The following TNRC6A variants were observed in gnomAD, a reference collection of about 807,000 sequenced individuals.
TNRC6A encodes the protein trinucleotide repeat-containing gene 6A protein.
Under a neutral mutation model 221.2 loss-of-function variants are expected in TNRC6A, and 44 were observed. The observed-to-expected ratio is 0.20, with a 90% CI of 0.16 to 0.26. The LOEUF (loss-of-function observed/expected upper bound fraction) is 0.26, where lower values mean the gene tolerates loss of function less well. TNRC6A is among the 10% of genes least tolerant of loss of function. The pLI, the probability that TNRC6A is intolerant of heterozygous loss-of-function variation, is 1.00. For missense variants in TNRC6A, 2,199 were observed against 2,404.4 expected (o/e 0.91, Z 1.79); for synonymous variants, 847 against 838.5 (o/e 1.01, Z -0.18).
intron 5 of TNRC6A, among the ~76,000 whole-genome samples, chr16:24,786,746 A>T (rs1221019531): frequency 6.6e-6 from 1 of 152,032 alleles, no homozygotes; most frequent in East Asian, 1.9e-4. Flanking sequence ...CAGTGGCGCC[A>T]TCTCGGCTCA....
intron 2 of TNRC6A, among the ~76,000 whole-genome samples, chr16:24,700,505 G>A (rs547267281): frequency 6.6e-6 from 1 of 152,094 alleles, no homozygotes; most frequent in Admixed American, 6.5e-5. Flanking sequence ...TCAAAGTTTT[G>A]GGATTATAGG....
At chr16:24,702,182 C>T (rs111309696) in intron 2 of TNRC6A, among the ~76,000 whole-genome samples, 57,930 of 118,166 alleles carry the variant, frequency 0.49, 14,856 homozygotes, top group East Asian at 0.7. Context: ...TTTCTTTTTT[C>T]TTTTTTTTTT....
chr16:24,677,188 A>G (rs7199527), intron 2 of TNRC6A, among the ~76,000 whole-genome samples: 12,272 of 141,642 alleles, frequency 0.087, 1,024 homozygotes, highest in African/African-American at 0.22. Context: ...TCCCTGACAG[A>G]GTCTCGCTCT....
At position 24,789,294 on chromosome 16, in the gene TNRC6A, A is replaced by T. The variant is rs1352549138; in HGVS notation, c.652A>T (p.Thr218Ser). ...TTCCCAGCGGGGACCTGTGTCTTCT[A>T]CAAGTGATTCTAGCACAAACTGTAA... ...ENSQRGPVSS[T>S]SDSSTNCKNA... The change falls in exon 6 of 25, where the codon ACA (threonine) becomes TCA (serine). Residue 218 changes from threonine (T) to serine (S), a missense_variant. This residue lies in a region of TNRC6A where 1,405 missense variants were observed against 1,400.2 expected (regional missense o/e 1.00). Transcript: ENST00000395799. The T allele has an allele frequency of 1.2e-6, 2 of 1,613,986 alleles. No homozygotes were observed. The highest frequency in any genetic ancestry group is 3.3e-5 in the Admixed American group (2 of 59,996).
Position 24,809,403 on chromosome 16 carries a change from C to G in TNRC6A, c.4594C>G (p.Gln1532Glu), listed in dbSNP as rs1160780305. The change falls in exon 18 of 25, where the codon CAG (glutamine) becomes GAG (glutamate). Residue 1532 changes from glutamine (Q) to glutamate (E), a missense_variant. Gln to Glu is a conservative substitution (Grantham distance 29). This residue lies in a region of TNRC6A where 449 missense variants were observed against 579.7 expected (regional missense o/e 0.77). Coordinates refer to ENST00000395799, the MANE Select transcript of TNRC6A (RefSeq NM_014494.4). ...NMDMNSIKEPQSRLRKWTTVD... is the reference protein window; with the variant it reads ...NMDMNSIKEPESRLRKWTTVD... ...GGATATGAACAGTATTAAAGAGCCA[C>G]AGTCAAGACTAAGGAAGTGGACGAC... 5 of 1,596,128 alleles carry G rather than the reference C, an allele frequency of 3.1e-6. No homozygotes were observed. Among genetic ancestry groups the G allele is most frequent in the Non-Finnish European group, 4.3e-6 (5 of 1,170,490 alleles).
At chr16:24,813,020 C>T (rs986458079) in intron 18 of TNRC6A, among the ~76,000 whole-genome samples, 15 of 151,242 alleles carry the variant, frequency 9.9e-5, no homozygotes, top group African/African-American at 2.9e-4. Flanking sequence ...GGATTACAGG[C>T]GAGCACTGCC....
intron 11 of TNRC6A, among the ~76,000 whole-genome samples, chr16:24,802,702 T>C (rs1176854811): frequency 6.6e-6 from 1 of 152,144 alleles, no homozygotes; most frequent in Non-Finnish European, 1.5e-5. Flanking sequence ...GTGAATGAAG[T>C]CTAAGGAAAG....
At chr16:24,751,828 C>T (rs2057143152) in intron 3 of TNRC6A, among the ~76,000 whole-genome samples, 1 of 152,042 alleles carries the variant, frequency 6.6e-6, no homozygotes, top group African/African-American at 2.4e-5. Flanking sequence ...GGAACTGTTG[C>T]AGTACAGAGA....
At chr16:24,710,726 CTT>C (rs924997875) in intron 2 of TNRC6A, among the ~76,000 whole-genome samples, 1 of 145,434 alleles carries the variant, frequency 6.9e-6, no homozygotes, top group Admixed American at 6.9e-5. Flanking sequence ...TCTCATCAAA[CTT>C]TTTTTTTTTT....
intron 14 of TNRC6A, 73 bp from the exon 15 acceptor site, chr16:24,805,532 T>C: frequency 6.3e-7 from 1 of 1,576,004 alleles, no homozygotes; most frequent in African/African-American, 1.3e-5. Context: ...TATTGACAAC[T>C]GAAAACACAC....
chr16:24,682,549 A>G (rs1468012570), intron 2 of TNRC6A, among the ~76,000 whole-genome samples: 1 of 151,770 alleles, frequency 6.6e-6, no homozygotes, highest in African/African-American at 2.4e-5. Flanking sequence ...GAATAGAGGA[A>G]CTCTACAAAC....
chr16:24,734,155 A>G (rs1335827954), intron 2 of TNRC6A, among the ~76,000 whole-genome samples: 1 of 152,194 alleles, frequency 6.6e-6, no homozygotes, highest in Admixed American at 6.5e-5. Context: ...AGCCTGGGAA[A>G]CAGAGTGCAA....
chr16:24,629,716 C>T lies in TNRC6A; in HGVS notation n.277-11168C>T, dbSNP rs1479417493. Among the ~76,000 whole-genome samples the T allele has an allele frequency of 4.6e-5, 7 of 152,192 alleles. No individual in the cohort carries two copies. The Middle Eastern group carries it at 0.014, about 296-fold the overall frequency. ...CACATAGACCGGGCACAGTGGTTCA[C>T]GCCTGTAATCTCACTGCTTTGGGAG... On this transcript the variant is annotated intron_variant and non_coding_transcript_variant, in intron 1 of 2. Transcript: ENST00000566108.
chr16:24,679,274 A>C (rs996301748), intron 2 of TNRC6A, among the ~76,000 whole-genome samples: 3 of 152,152 alleles, frequency 2.0e-5, no homozygotes, highest in Admixed American at 6.6e-5. Context: ...CTGGGATTAC[A>C]GGCTGAGCCA....
chr16:24,781,836 T>TAACTCTTTTTTTTC, intron 5 of TNRC6A, among the ~76,000 whole-genome samples: 1 of 151,758 alleles, frequency 6.6e-6, no homozygotes, highest in South Asian at 2.1e-4. Context: ...TCTTTTTTTT[T>TAACTCTTTTTTTTC]TTTTTTGAGA....
intron 1 of TNRC6A, among the ~76,000 whole-genome samples, chr16:24,620,185 G>C (rs1596542766): frequency 6.6e-6 from 1 of 151,930 alleles, no homozygotes; most frequent in African/African-American, 2.4e-5. Context: ...TCAGATCCCT[G>C]CTTGTCCTTG....
At chr16:24,803,792 T>G in intron 11 of TNRC6A, 1 of 179,490 alleles carries the variant, frequency 5.6e-6, no homozygotes, top group Non-Finnish European at 1.1e-5. Flanking sequence ...TCCCAGCTAC[T>G]CGAGAGGCTG....
chr16:24,721,869 G>A (rs954167313), intron 2 of TNRC6A, among the ~76,000 whole-genome samples: 10 of 152,150 alleles, frequency 6.6e-5, no homozygotes, highest in African/African-American at 2.4e-4. Flanking sequence ...TCACAGGCAC[G>A]TTTAGCAAGA....
intron 11 of TNRC6A, chr16:24,798,268 G>A (rs2058261964): frequency 4.6e-6 from 1 of 217,610 alleles, no homozygotes; most frequent in Admixed American, 5.8e-5. Context: ...ATGTATGACA[G>A]ACTCTTAAAA....
Sources: allele counts gnomAD v4.1 joint callset (sites outside exome capture counted in the v4.1 genomes callset), GRCh38; gene constraint gnomAD v4.1.1; regional missense constraint gnomAD v4.1.1; transcripts MANE v1.5; gene names NCBI Gene and HGNC (gene_info 2026-07-23, HGNC 2026-07-21).